Variants in RAD51B observed in about 807,000 individuals in gnomAD.
RAD51B encodes RAD51 paralog B.
RAD51B carries 38 observed loss-of-function variants against 42.2 expected under a neutral mutation model. The ratio of observed to expected loss-of-function variants is 0.90; its 90% confidence interval spans 0.70 to 1.18. The LOEUF (loss-of-function observed/expected upper bound fraction) is 1.18, where lower values mean the gene tolerates loss of function less well. Among genes scored for constraint, RAD51B ranks in the 50% most tolerant of loss-of-function variants. The pLI, the probability that RAD51B is intolerant of heterozygous loss-of-function variation, is 0.00. For missense variants in RAD51B, 373 were observed against 400.7 expected (o/e 0.93, Z 0.59); for synonymous variants, 154 against 145.2 (o/e 1.06, Z -0.43).
At chr14:68,265,891 T>G (rs1405808026) in intron 7 of RAD51B, among the ~76,000 whole-genome samples, 1 of 152,226 alleles carries the variant, frequency 6.6e-6, no homozygotes, top group African/African-American at 2.4e-5. Flanking sequence ...TTGAGAGAGA[T>G]ATAAATATAA....
intron 10 of RAD51B, among the ~76,000 whole-genome samples, chr14:68,548,401 G>C (rs1483978370): frequency 6.6e-6 from 1 of 152,166 alleles, no homozygotes; most frequent in Non-Finnish European, 1.5e-5. Context: ...TTTAGTGCTT[G>C]GCTTGGCTGC....
rs564981187 is a variant in RAD51B at position 68,207,508 on chromosome 14, A to G, written c.757-84376A>G. Reference sequence around the variant, plus strand: ...GTCATCCACACAGAGTTAGGAGAAAATACATCTAGAGTTTGCCAAATCCAA... The same window carrying G: ...GTCATCCACACAGAGTTAGGAGAAAGTACATCTAGAGTTTGCCAAATCCAA... On this transcript the variant is annotated intron_variant, in intron 7 of 10. Transcript: ENST00000471583. Among the ~76,000 whole-genome samples the G allele has an allele frequency of 7.4e-4, 112 of 152,320 alleles. 1 individual carries two copies. The highest frequency in any genetic ancestry group is 2.7e-3 in the African/African-American group (112 of 41,558).
chr14:68,283,149 G>T (rs2081351566), intron 7 of RAD51B, among the ~76,000 whole-genome samples: 1 of 152,260 alleles, frequency 6.6e-6, no homozygotes, highest in African/African-American at 2.4e-5. Context: ...AATCCTCCTT[G>T]TAAATCAAAG....
At chr14:68,094,711 C>G (rs965976088) in intron 7 of RAD51B, among the ~76,000 whole-genome samples, 1 of 152,000 alleles carries the variant, frequency 6.6e-6, no homozygotes, top group Non-Finnish European at 1.5e-5. Flanking sequence ...ATGATTATCC[C>G]CACAGTCAGG....
At chr14:68,564,688 C>G (rs968670997) in intron 10 of RAD51B, among the ~76,000 whole-genome samples, 3 of 152,192 alleles carry the variant, frequency 2.0e-5, no homozygotes, top group Admixed American at 6.5e-5. Context: ...TCCCAAGAGC[C>G]CAGGAGAGGG....
chr14:68,426,197 T>C (rs576294682), intron 9 of RAD51B, among the ~76,000 whole-genome samples: 2 of 150,672 alleles, frequency 1.3e-5, no homozygotes, highest in South Asian at 4.2e-4. Context: ...GCCTCCCGAG[T>C]AGCTGGGATT....
chr14:68,561,853 C>G (rs1889167865), intron 10 of RAD51B: 1 of 666,478 alleles, frequency 1.5e-6, no homozygotes, highest in African/African-American at 2.0e-5. Context: ...CTTGTCTGGT[C>G]TCTGTAGTTT....
intron 7 of RAD51B, among the ~76,000 whole-genome samples, chr14:68,154,757 T>C (rs974422921): frequency 1.3e-5 from 2 of 152,156 alleles, no homozygotes; most frequent in Non-Finnish European, 2.9e-5. Context: ...CATTGTTCTG[T>C]TTGTTTTGTT....
At chr14:68,537,253 T>C (rs2842334) in intron 10 of RAD51B, among the ~76,000 whole-genome samples, 140,292 of 152,080 alleles carry the variant, frequency 0.92, 65,537 homozygotes, top group Non-Finnish European at 0.99. Flanking sequence ...AATCCCAGCA[T>C]TTTGGGAGGC....
chr14:68,061,053 CTTTTT>C (rs755916680), intron 7 of RAD51B, among the ~76,000 whole-genome samples: 3 of 101,290 alleles, frequency 3.0e-5, no homozygotes, highest in African/African-American at 1.2e-4. Context: ...TATTTGAGGT[CTTTTT>C]TTTTTTTTTT....
intron 10 of RAD51B, chr14:68,562,128 C>T: frequency 1.0e-6 from 1 of 985,406 alleles, no homozygotes; most frequent in Non-Finnish European, 1.2e-6. Context: ...TGTGAAAGCC[C>T]TCGTCACCCT....
chr14:67,945,732 A>C (rs2045369424), intron 7 of RAD51B, among the ~76,000 whole-genome samples: 1 of 152,182 alleles, frequency 6.6e-6, no homozygotes. Flanking sequence ...CAGCCTCCCA[A>C]AGTGCTGGGA....
At chr14:67,842,524 C>T (rs1007281957) in intron 4 of RAD51B, among the ~76,000 whole-genome samples, 3 of 152,142 alleles carry the variant, frequency 2.0e-5, no homozygotes, top group African/African-American at 7.2e-5. Context: ...CGTGCACTAC[C>T]ACTCCCAGCT....
At position 68,468,219 on chromosome 14, in the gene RAD51B, C is replaced by T. The variant is rs749990474; in HGVS notation, c.1005C>T (p.Tyr335=). The change falls in exon 10 of 11, where the codon TAC becomes TAT. Residue 335 remains tyrosine (Y), a synonymous_variant. Coordinates refer to ENST00000471583, the MANE Select transcript of RAD51B (RefSeq NM_133510.4). ...SPLAPFTSFV[Y]TIKEEGLVLQ... ...TGGCTCCCTTCACCTCATTTGTCTA[C>T]ACCATCAAGGAGGAAGGCCTGGTTC... 42 of 1,613,880 alleles carry T rather than the reference C, an allele frequency of 2.6e-5. No individual in the cohort carries two copies. Among genetic ancestry groups the T allele is most frequent in the South Asian group, 2.0e-4 (18 of 91,084 alleles).
At chr14:68,060,657 G>A (rs1292593232) in intron 7 of RAD51B, among the ~76,000 whole-genome samples, 1 of 152,138 alleles carries the variant, frequency 6.6e-6, no homozygotes, top group Non-Finnish European at 1.5e-5. Context: ...CCTTTCCAAA[G>A]TATAGTTGGG....
intron 7 of RAD51B, among the ~76,000 whole-genome samples, chr14:68,065,402 C>A (rs1371138259): frequency 6.6e-6 from 1 of 152,106 alleles, no homozygotes; most frequent in African/African-American, 2.4e-5. Context: ...TCCCCTGGGG[C>A]CATGTGCTGG....
intron 8 of RAD51B, among the ~76,000 whole-genome samples, chr14:68,310,361 A>G (rs1261660408): frequency 6.6e-6 from 1 of 152,236 alleles, no homozygotes; most frequent in East Asian, 1.9e-4. Flanking sequence ...ATCACCTGAT[A>G]TGAATTTTCG....
At chr14:68,440,675 G>A (rs1295929452) in intron 9 of RAD51B, among the ~76,000 whole-genome samples, 1 of 152,130 alleles carries the variant, frequency 6.6e-6, no homozygotes, top group African/African-American at 2.4e-5. Flanking sequence ...GAACCTGGGA[G>A]GTGGAGGTTG....
chr14:68,091,320 A>T (rs935278826), intron 7 of RAD51B, among the ~76,000 whole-genome samples: 5 of 152,204 alleles, frequency 3.3e-5, no homozygotes, highest in Non-Finnish European at 7.3e-5. Flanking sequence ...TCCCACCAAC[A>T]GTGTAAAAGT....
Sources: allele counts gnomAD v4.1 joint callset (sites outside exome capture counted in the v4.1 genomes callset), GRCh38; gene constraint gnomAD v4.1.1; transcripts MANE v1.5; gene names NCBI Gene and HGNC (gene_info 2026-07-23, HGNC 2026-07-21).